Variants in PLXNA4 observed in about 807,000 individuals in gnomAD.
The protein encoded by PLXNA4 is plexin A4.
PLXNA4 carries 44 observed loss-of-function variants against 191.8 expected under a neutral mutation model. The observed-to-expected ratio is 0.23, with a 90% CI of 0.18 to 0.29. The LOEUF is 0.29. Among genes scored for constraint, PLXNA4 ranks in the 10% least tolerant of loss-of-function variants. PLXNA4 has a pLI of 1.00. For synonymous variants in PLXNA4, 1,082 were observed against 1,009.5 expected (o/e 1.07, Z -1.36); for missense variants, 1,800 against 2,488.8 (o/e 0.72, Z 5.89).
At chr7:132,599,235 T>C (rs1165289996) in intron 2 of PLXNA4, among the ~76,000 whole-genome samples, 1 of 152,230 alleles carries the variant, frequency 6.6e-6, no homozygotes, top group African/African-American at 2.4e-5. Context: ...TTTATCCTTC[T>C]ATGTAAATTT....
chr7:132,482,958 T>C (rs1204956427), intron 3 of PLXNA4, among the ~76,000 whole-genome samples: 2 of 152,102 alleles, frequency 1.3e-5, no homozygotes, highest in Non-Finnish European at 2.9e-5. Context: ...CCCAAAGTGC[T>C]GGGATTACAG....
At chr7:132,470,296 A>C (rs1229016414) in intron 3 of PLXNA4, among the ~76,000 whole-genome samples, 1 of 152,170 alleles carries the variant, frequency 6.6e-6, no homozygotes, top group Non-Finnish European at 1.5e-5. Flanking sequence ...TCTGGCTTGG[A>C]TCAGAGGACC....
chr7:132,587,284 G>A (rs982265242), intron 2 of PLXNA4, among the ~76,000 whole-genome samples: 1 of 152,224 alleles, frequency 6.6e-6, no homozygotes, highest in African/African-American at 2.4e-5. Context: ...AAAGAGAAGA[G>A]CTGCTGCATT....
chr7:132,620,801 G>C (rs182772763), intron 2 of PLXNA4, among the ~76,000 whole-genome samples: 1 of 152,204 alleles, frequency 6.6e-6, no homozygotes, highest in East Asian at 1.9e-4. Flanking sequence ...ATTTGTCTTA[G>C]TCGTTCGGGC....
chr7:132,282,552 G>A (rs1393485176), intron 4 of PLXNA4, among the ~76,000 whole-genome samples: 8 of 131,814 alleles, frequency 6.1e-5, no homozygotes, highest in Non-Finnish European at 1.1e-4. Flanking sequence ...AGTGAGCCAC[G>A]ATTGCACCAC....
intron 2 of PLXNA4, among the ~76,000 whole-genome samples, chr7:132,608,620 T>C (rs916211131): frequency 4.6e-5 from 7 of 152,038 alleles, no homozygotes; most frequent in African/African-American, 1.7e-4. Context: ...TTGCCCAGTC[T>C]CTCCTCTCAT....
At chr7:132,517,912 C>T (rs571964333) in intron 1 of PLXNA4, among the ~76,000 whole-genome samples, 3 of 152,292 alleles carry the variant, frequency 2.0e-5, no homozygotes, top group East Asian at 3.9e-4. Context: ...TGGACACATG[C>T]TATTTGTAGA....
intron 2 of PLXNA4, among the ~76,000 whole-genome samples, chr7:132,500,235 G>A (rs980553909): frequency 6.6e-6 from 1 of 152,192 alleles, no homozygotes; most frequent in Non-Finnish European, 1.5e-5. Context: ...CACCTGTCAG[G>A]AGTTTGAAAC....
intron 3 of PLXNA4, among the ~76,000 whole-genome samples, chr7:132,453,441 T>G (rs149649302): frequency 5.1e-4 from 78 of 152,246 alleles, no homozygotes; most frequent in Non-Finnish European, 8.7e-4. Context: ...TAGAGGTGTG[T>G]TTTAACAAGC....
At chr7:132,321,909 G>A (rs1050175444) in intron 3 of PLXNA4, among the ~76,000 whole-genome samples, 3 of 152,166 alleles carry the variant, frequency 2.0e-5, no homozygotes, top group Non-Finnish European at 4.4e-5. Context: ...TCCACCCCCA[G>A]AAGAAGGTAG....
At chr7:132,638,478 C>G (rs1442071307) in intron 2 of PLXNA4, among the ~76,000 whole-genome samples, 1 of 152,106 alleles carries the variant, frequency 6.6e-6, no homozygotes, top group African/African-American at 2.4e-5. Context: ...ATGGTGAAAC[C>G]CCGTGTCTAC....
intron 4 of PLXNA4, among the ~76,000 whole-genome samples, chr7:132,248,855 A>AT (rs34329999): frequency 7.9e-5 from 12 of 151,274 alleles, no homozygotes; most frequent in Middle Eastern, 3.4e-3. Context: ...TCAGAAAATG[A>AT]TTTTTTTTTT....
At chr7:132,527,885 C>G (rs1470536384) in intron 1 of PLXNA4, among the ~76,000 whole-genome samples, 1 of 152,168 alleles carries the variant, frequency 6.6e-6, no homozygotes, top group Non-Finnish European at 1.5e-5. Context: ...GGCACGAGAA[C>G]AGAGCCCCTG....
In PLXNA4 at chr7:132,469,136, AAAAG is replaced by A. The variant is rs1563116907; in HGVS notation, c.1371+20152_1371+20155del. On this transcript the variant is annotated intron_variant, in intron 3 of 31. Coordinates refer to ENST00000321063, the MANE Select transcript of PLXNA4 (RefSeq NM_020911.2). The stretch of plus-strand genomic sequence containing the variant: ...ACACCAACCAAAAAAAAAAAAAAAA[AAAAG>A]AAAGAAAGAAAGAAAAAAAAAAGAA... Among the ~76,000 whole-genome samples, 13 of 49,892 alleles carry A rather than the reference AAAAG, an allele frequency of 2.6e-4. No homozygotes were observed. The East Asian group carries it at 2.7e-3, about 10-fold the overall frequency. 32.7% of individuals were successfully genotyped at this position (49,892 alleles called of 152,430 possible). A position where few individuals can be genotyped will look rare whatever the true frequency, so the allele number is the denominator to read the frequency against.
chr7:132,270,258 A>T (rs1800015231), intron 4 of PLXNA4, among the ~76,000 whole-genome samples: 1 of 152,184 alleles, frequency 6.6e-6, no homozygotes, highest in African/African-American at 2.4e-5. Context: ...CTTAAGTTAT[A>T]TATACCGCGG....
intron 2 of PLXNA4, among the ~76,000 whole-genome samples, chr7:132,635,170 T>TTATATATATATA (rs3037811): frequency 2.7e-4 from 36 of 131,808 alleles, no homozygotes; most frequent in East Asian, 6.7e-4. Flanking sequence ...AAACTCCCCT[T>TTATATATATATA]TATATATATA....
chr7:132,582,660 C>G (rs991745307), intron 2 of PLXNA4, among the ~76,000 whole-genome samples: 2 of 152,184 alleles, frequency 1.3e-5, no homozygotes, highest in Non-Finnish European at 2.9e-5. Context: ...CCCAGTTAAG[C>G]CTTCAGATGA....
chr7:132,337,164 C>A (rs1028550399), intron 3 of PLXNA4, among the ~76,000 whole-genome samples: 4 of 152,196 alleles, frequency 2.6e-5, no homozygotes, highest in African/African-American at 4.8e-5. Flanking sequence ...TATTGCATTG[C>A]CAACATTCAA....
intron 1 of PLXNA4, among the ~76,000 whole-genome samples, chr7:132,513,658 A>AG (rs1563144884): frequency 1.6e-4 from 12 of 76,172 alleles, no homozygotes; most frequent in African/African-American, 6.8e-4. Context: ...TTTTTGTTTT[A>AG]GTTTTTGTTT....
Sources: gnomAD v4.1 joint callset for allele counts (sites outside exome capture counted in the v4.1 genomes callset) on GRCh38, gnomAD v4.1.1 for gene constraint, MANE v1.5 for transcripts, NCBI Gene and HGNC (gene_info 2026-07-23, HGNC 2026-07-21) for gene names.